CCDC178: variants seen among roughly 807,000 people sequenced by gnomAD.
CCDC178 encodes coiled-coil domain-containing protein 178.
In CCDC178, 126 loss-of-function variants were observed where a neutral mutation model predicts 117.4. The observed-to-expected ratio is 1.07, with a 90% CI of 0.93 to 1.24. CCDC178 has a LOEUF of 1.24. CCDC178 is among the 50% of genes most tolerant of loss of function. The pLI, the probability that CCDC178 is intolerant of heterozygous loss-of-function variation, is 0.00. For missense variants in CCDC178, 1,030 were observed against 986.9 expected, an observed-to-expected ratio of 1.04 and a Z score of -0.59; for synonymous variants, 283 against 313.4, an observed-to-expected ratio of 0.90 and a Z score of 1.02.
At chr18:33,184,530 A>G (rs2058767515) in intron 20 of CCDC178, among the ~76,000 whole-genome samples, 1 of 152,026 alleles carries the variant, frequency 6.6e-6, no homozygotes, top group Admixed American at 6.6e-5. Context: ...CCAAACAGAT[A>G]TACACTAACC....
intron 21 of CCDC178, among the ~76,000 whole-genome samples, chr18:33,084,252 C>CA (rs2057342910): frequency 6.6e-6 from 1 of 151,892 alleles, no homozygotes; most frequent in African/African-American, 2.4e-5. Context: ...TATCAGCGTC[C>CA]AAAAAATATT....
chr18:33,437,258 A>C (rs2064305054), intron 2 of CCDC178, among the ~76,000 whole-genome samples: 1 of 152,236 alleles, frequency 6.6e-6, no homozygotes, highest in African/African-American at 2.4e-5. Flanking sequence ...ATTTACACAA[A>C]GAAAATTTTT....
In CCDC178 at chr18:33,328,920, T is replaced by C. The variant is rs201597319; in HGVS notation, c.879+4254A>G. On this transcript the variant is annotated intron_variant, in intron 10 of 22. Transcript: ENST00000383096. ...TTGACACTTTAACAATATTGAGTCTTCCAATTCATGAATACAGGATGTCTT... is the reference window on the plus strand; with the variant it reads ...TTGACACTTTAACAATATTGAGTCTCCCAATTCATGAATACAGGATGTCTT... Among the ~76,000 whole-genome samples the C allele has an allele frequency of 6.6e-5, 10 of 152,288 alleles. No homozygotes were observed. The East Asian group carries it at 1.9e-3, about 29-fold the overall frequency.
intron 21 of CCDC178, among the ~76,000 whole-genome samples, chr18:33,041,796 C>T (rs1598818421): frequency 6.6e-6 from 1 of 151,438 alleles, no homozygotes; most frequent in East Asian, 1.9e-4. Context: ...AACATGTCAA[C>T]AAAGAGGTTA....
intron 7 of CCDC178, 70 bp downstream of exon 7, chr18:33,356,254 G>C (rs2144713534): frequency 7.2e-7 from 1 of 1,381,418 alleles, no homozygotes; most frequent in Non-Finnish European, 9.8e-7. Context: ...AGTTAAACTG[G>C]ATTATAGCAG....
chr18:33,256,822 T>C (rs561495252), intron 14 of CCDC178, among the ~76,000 whole-genome samples: 12 of 152,086 alleles, frequency 7.9e-5, no homozygotes, highest in Non-Finnish European at 1.8e-4. Context: ...GAATCTTCAG[T>C]AGAAATGAAT....
At chr18:32,977,899 T>C (rs1397460068) in intron 21 of CCDC178, among the ~76,000 whole-genome samples, 1 of 152,072 alleles carries the variant, frequency 6.6e-6, no homozygotes, top group East Asian at 1.9e-4. Context: ...GCCACAAATA[T>C]GATAAAAAGC....
intron 20 of CCDC178, among the ~76,000 whole-genome samples, chr18:33,109,206 C>A (rs1323253915): frequency 1.3e-5 from 2 of 151,518 alleles, no homozygotes; most frequent in Non-Finnish European, 3.0e-5. Context: ...GAATACTAAC[C>A]CACTATTACA....
chr18:33,344,310 C>CAAAAAAAAAAA (rs58987470), intron 9 of CCDC178, among the ~76,000 whole-genome samples: 1 of 80,798 alleles, frequency 1.2e-5, no homozygotes, highest in Non-Finnish European at 2.4e-5. Flanking sequence ...GACTCCGTCT[C>CAAAAAAAAAAA]AAAAAAAAAA....
intron 17 of CCDC178, among the ~76,000 whole-genome samples, chr18:33,224,140 A>G (rs2059272403): frequency 6.6e-6 from 1 of 152,192 alleles, no homozygotes; most frequent in Admixed American, 6.5e-5. Flanking sequence ...TTTGCAAAGG[A>G]AAAAAGTTCT....
At chr18:33,145,554 G>A (rs1356792253) in intron 20 of CCDC178, among the ~76,000 whole-genome samples, 2 of 152,198 alleles carry the variant, frequency 1.3e-5, no homozygotes, top group East Asian at 1.9e-4. Context: ...AATTATAATA[G>A]CATTAATGGG....
At chr18:33,095,819 T>C (rs1409695102) in intron 20 of CCDC178, among the ~76,000 whole-genome samples, 2 of 151,932 alleles carry the variant, frequency 1.3e-5, no homozygotes, top group Non-Finnish European at 2.9e-5. Flanking sequence ...CTTTTAAGTA[T>C]ATAAAGAGAA....
intron 20 of CCDC178, among the ~76,000 whole-genome samples, chr18:33,131,582 T>C (rs2058069103): frequency 6.6e-6 from 1 of 151,822 alleles, no homozygotes; most frequent in Non-Finnish European, 1.5e-5. Context: ...CATGATTCTC[T>C]GTCTTTAATA....
intron 21 of CCDC178, among the ~76,000 whole-genome samples, chr18:33,024,073 T>C (rs2056176345): frequency 6.6e-6 from 1 of 152,164 alleles, no homozygotes; most frequent in Admixed American, 6.5e-5. Context: ...ACAAGCATAA[T>C]ACTATTAGGA....
At chr18:33,354,857 G>A (rs936314232) in intron 7 of CCDC178, among the ~76,000 whole-genome samples, 6 of 152,088 alleles carry the variant, frequency 3.9e-5, no homozygotes, top group South Asian at 2.1e-4. Flanking sequence ...TGATCCACCC[G>A]CCTTGGCCTC....
chr18:33,356,569 C>G (rs2063060356), intron 6 of CCDC178, among the ~76,000 whole-genome samples: 1 of 151,884 alleles, frequency 6.6e-6, no homozygotes. Flanking sequence ...CCAAAGAAAC[C>G]TAAAAAGCTA....
At chr18:32,958,097 ATT>A in intron 22 of CCDC178, 1 of 388,104 alleles carries the variant, frequency 2.6e-6, no homozygotes, top group Non-Finnish European at 4.8e-6. Flanking sequence ...GATGGGCTAA[ATT>A]ATTGATGCTA....
chr18:33,117,450 T>A (rs1482264659), intron 20 of CCDC178, among the ~76,000 whole-genome samples: 2 of 151,936 alleles, frequency 1.3e-5, no homozygotes, highest in African/African-American at 4.8e-5. Flanking sequence ...CCAACTTGAG[T>A]CCCTGATATG....
chr18:33,348,914 C>T lies in CCDC178; in HGVS notation c.433G>A (p.Glu145Lys). Residue 145 changes from glutamate to lysine, a missense_variant, in exon 8 of 23, where the codon GAG (glutamate) becomes AAG (lysine). Glu to Lys is a moderately conservative substitution (Grantham distance 56). Transcript: ENST00000383096. ...EDWSVTTPVK[E>K]VKPGEKRDEK... Reference sequence around the variant, plus strand: ...CCTCTCTTTTCTCCTGGTTTGACCTCTTTCACTGGTGTAGTTACACTCCAA... The same window carrying T: ...CCTCTCTTTTCTCCTGGTTTGACCTTTTTCACTGGTGTAGTTACACTCCAA... 1 of 1,610,388 alleles carries T rather than the reference C, an allele frequency of 6.2e-7. No individual in the cohort carries two copies. The highest frequency in any genetic ancestry group is 8.5e-7 in the Non-Finnish European group (1 of 1,177,908).
Sources: allele counts gnomAD v4.1 joint callset (sites outside exome capture counted in the v4.1 genomes callset), GRCh38; gene constraint gnomAD v4.1.1; transcripts MANE v1.5; gene names NCBI Gene and HGNC (gene_info 2026-07-23, HGNC 2026-07-21).